The following LRBA variants were observed in gnomAD, a reference collection of about 807,000 sequenced individuals.
The protein encoded by LRBA is LPS responsive beige-like anchor protein.
In LRBA, 176 loss-of-function variants were observed where a neutral mutation model predicts 330.0. The observed-to-expected ratio is 0.53, with a 90% CI of 0.47 to 0.60. The LOEUF is 0.60. Among genes scored for constraint, LRBA ranks in the 20% least tolerant of loss-of-function variants. The pLI is 0.00. For missense variants in LRBA, 3,259 were observed against 3,444.8 expected (o/e 0.95, Z 1.35); for synonymous variants, 1,230 against 1,193.0 (o/e 1.03, Z -0.64).
chr4:150,640,609 T>C (rs765683651), intron 37 of LRBA, among the ~76,000 whole-genome samples: 52 of 152,212 alleles, frequency 3.4e-4, no homozygotes, highest in Non-Finnish European at 5.6e-4. Flanking sequence ...TGAAGAACTA[T>C]AGCATTACAT....
intron 52 of LRBA, among the ~76,000 whole-genome samples, chr4:150,308,769 A>G (rs988984861): frequency 1.3e-5 from 2 of 152,204 alleles, no homozygotes; most frequent in Admixed American, 6.5e-5. Flanking sequence ...AAACCTATAC[A>G]ATAAGGATAT....
intron 40 of LRBA, among the ~76,000 whole-genome samples, chr4:150,556,160 T>C (rs1767290299): frequency 6.6e-6 from 1 of 152,130 alleles, no homozygotes; most frequent in Non-Finnish European, 1.5e-5. Flanking sequence ...AAAAATTTTA[T>C]GGGACCTGAA....
rs1579281751 is a variant in LRBA at position 150,945,360 on chromosome 4, G to A, written c.217-16295C>T. On this transcript the variant is annotated intron_variant, in intron 2 of 56. Transcript: ENST00000651943. ...TATAACCAGCTGATGGCCATGTAAT[G>A]GAATATTGTACAGCCTTTAAAAAGA... is the stretch of plus-strand genomic sequence containing the variant. 3.3e-5 allele frequency among the ~76,000 whole-genome samples: 5 copies of A among 152,270 alleles called. No homozygotes were observed. In the South Asian group the frequency reaches 8.3e-4, roughly 25 times the overall value.
intron 46 of LRBA, among the ~76,000 whole-genome samples, chr4:150,419,957 C>T (rs903933561): frequency 6.6e-6 from 1 of 150,574 alleles, no homozygotes; most frequent in African/African-American, 2.4e-5. Context: ...TATGTCTAGC[C>T]CAGGCACCGT....
At chr4:150,501,130 T>G (rs867835741) in intron 40 of LRBA, among the ~76,000 whole-genome samples, 2 of 152,232 alleles carry the variant, frequency 1.3e-5, no homozygotes, top group African/African-American at 2.4e-5. Flanking sequence ...ATAAGACTTT[T>G]GGGGTTAACC....
At chr4:150,270,417 A>C (rs555596939) in intron 56 of LRBA, among the ~76,000 whole-genome samples, 29 of 152,370 alleles carry the variant, frequency 1.9e-4, no homozygotes, top group African/African-American at 6.5e-4. Context: ...TGTTATGCCA[A>C]GTGAAATAAG....
intron 37 of LRBA, among the ~76,000 whole-genome samples, chr4:150,656,290 C>G (rs1011838652): frequency 2.5e-4 from 38 of 152,262 alleles, no homozygotes; most frequent in African/African-American, 8.2e-4. Context: ...GATTTTAATC[C>G]AGTAGCAAAA....
intron 36 of LRBA, among the ~76,000 whole-genome samples, chr4:150,695,075 T>C (rs1582071599): frequency 1.3e-5 from 2 of 152,290 alleles, no homozygotes; most frequent in Middle Eastern, 3.4e-3. Flanking sequence ...AACCCACAAA[T>C]ACCTAAGCAT....
At chr4:150,281,549 A>G (rs900049395) in intron 55 of LRBA, among the ~76,000 whole-genome samples, 13 of 152,134 alleles carry the variant, frequency 8.5e-5, no homozygotes, top group Non-Finnish European at 5.9e-5. Context: ...TATGACATCT[A>G]AGCTGCATAG....
intron 5 of LRBA, among the ~76,000 whole-genome samples, chr4:150,917,218 A>G (rs537305796): frequency 1.2e-3 from 181 of 152,246 alleles, no homozygotes; most frequent in Non-Finnish European, 2.3e-3. Context: ...TTTATCAGGA[A>G]GAAGACTTTT....
intron 35 of LRBA, among the ~76,000 whole-genome samples, chr4:150,749,798 A>G (rs1733294875): frequency 6.6e-6 from 1 of 152,090 alleles, no homozygotes; most frequent in African/African-American, 2.4e-5. Flanking sequence ...CCTGTAAGTT[A>G]TATCATGCCA....
intron 35 of LRBA, among the ~76,000 whole-genome samples, chr4:150,737,062 T>A (rs6835970): frequency 6.6e-6 from 1 of 152,058 alleles, no homozygotes; most frequent in Non-Finnish European, 1.5e-5. Context: ...AAGAAAGTTT[T>A]TTTTAATTAG....
chr4:150,591,313 T>C (rs1191181120), intron 38 of LRBA, among the ~76,000 whole-genome samples: 1 of 152,094 alleles, frequency 6.6e-6, no homozygotes, highest in African/African-American at 2.4e-5. Context: ...GAATCCAGAA[T>C]TAAAAAGGGT....
chr4:150,915,058 T>C (rs1206283175), intron 8 of LRBA, among the ~76,000 whole-genome samples: 1 of 152,090 alleles, frequency 6.6e-6, no homozygotes, highest in South Asian at 2.1e-4. Flanking sequence ...AATATGTATA[T>C]ATGTGTAGCA....
chr4:150,990,121 A>C (rs1350089648), intron 2 of LRBA, among the ~76,000 whole-genome samples: 1 of 152,208 alleles, frequency 6.6e-6, no homozygotes, highest in African/African-American at 2.4e-5. Flanking sequence ...CTACACTGTA[A>C]GGGTGGATAT....
At chr4:150,350,473 G>A (rs774539330) in intron 47 of LRBA, among the ~76,000 whole-genome samples, 6 of 151,914 alleles carry the variant, frequency 3.9e-5, no homozygotes, top group Non-Finnish European at 8.8e-5. Flanking sequence ...AGGAGGCTGA[G>A]GCAGGAGAAT....
intron 2 of LRBA, among the ~76,000 whole-genome samples, chr4:150,959,642 T>C (rs1737917717): frequency 6.7e-6 from 1 of 148,706 alleles, no homozygotes; most frequent in African/African-American, 2.6e-5. Context: ...AACGAATTGG[T>C]CTCCTGTAGA....
intron 31 of LRBA, among the ~76,000 whole-genome samples, chr4:150,811,427 GAA>G (rs11331003): frequency 8.8e-4 from 128 of 145,994 alleles, no homozygotes; most frequent in East Asian, 4.0e-3. Flanking sequence ...GAGGCTTTAG[GAA>G]AAAAAAAAAA....
intron 13 of LRBA, among the ~76,000 whole-genome samples, chr4:150,900,979 T>A (rs1730659515): frequency 6.6e-6 from 1 of 152,108 alleles, no homozygotes; most frequent in African/African-American, 2.4e-5. Context: ...ATACAAGTGC[T>A]ACCCCACCAC....
Sources: gnomAD v4.1 joint callset for allele counts (sites outside exome capture counted in the v4.1 genomes callset) on GRCh38, gnomAD v4.1.1 for gene constraint, MANE v1.5 for transcripts, NCBI Gene and HGNC (gene_info 2026-07-23, HGNC 2026-07-21) for gene names.